CATSPERD: variants seen among roughly 807,000 people sequenced by gnomAD.
CATSPERD encodes the protein catsper channel auxiliary subunit delta.
CATSPERD carries 86 observed loss-of-function variants against 98.1 expected under a neutral mutation model. The observed-to-expected ratio is 0.88, with a 90% CI of 0.74 to 1.05. The LOEUF is 1.05. Ranked by LOEUF, CATSPERD falls within the 50% of genes least tolerant of loss-of-function variation. The pLI, the probability that CATSPERD is intolerant of heterozygous loss-of-function variation, is 0.00. For missense variants in CATSPERD, 995 were observed against 1,005.7 expected (o/e 0.99, Z 0.14); for synonymous variants, 394 against 390.2 (o/e 1.01, Z -0.12).
intron 17 of CATSPERD, among the ~76,000 whole-genome samples, chr19:5,767,943 C>G (rs115200198): frequency 0.035 from 5,355 of 152,108 alleles, 348 homozygotes; most frequent in African/African-American, 0.12. Flanking sequence ...ATTAGAGGCG[C>G]GTGATGCCAC....
chr19:5,728,055 A>AAAG (rs1289094540), intron 3 of CATSPERD, among the ~76,000 whole-genome samples: 2 of 142,618 alleles, frequency 1.4e-5, no homozygotes, highest in African/African-American at 5.2e-5. Context: ...AAAAAAAAAA[A>AAAG]TACAGAAAAT....
rs1172525979 is a variant in CATSPERD, at chr19:5,776,321, T to C, written c.2096+6T>C. 6.2e-7 allele frequency: 1 copy of C among 1,613,714 alleles called. No homozygotes were observed. Among genetic ancestry groups the C allele is most frequent in the South Asian group, 1.1e-5 (1 of 91,044 alleles). On this transcript the variant is annotated splice_donor_region_variant and intron_variant, in intron 21 of 21. Transcript: ENST00000381624. ...ATCGTGGATCCGTACTACAGGTGAG[T>C]GGGCCCATCTGCCCCTACGACAGGG...
chr19:5,741,786 G>A (rs796834988), intron 7 of CATSPERD, among the ~76,000 whole-genome samples: 11 of 46,540 alleles, frequency 2.4e-4, no homozygotes, highest in African/African-American at 7.5e-4. Context: ...TGCTGAAGGC[G>A]GGGGGGGGGG....
At chr19:5,732,665 G>A (rs555847028) in intron 4 of CATSPERD, among the ~76,000 whole-genome samples, 1 of 151,240 alleles carries the variant, frequency 6.6e-6, no homozygotes, top group Admixed American at 6.6e-5. Flanking sequence ...GGTGTTTTTT[G>A]TTTTGTTTTG....
chr19:5,724,303 T>G (rs1599501332), intron 1 of CATSPERD, among the ~76,000 whole-genome samples: 1 of 151,852 alleles, frequency 6.6e-6, no homozygotes, highest in Non-Finnish European at 1.5e-5. Flanking sequence ...CCTCAAGTGA[T>G]CCACCTGCCT....
chr19:5,775,388 A>G (rs976297507), intron 20 of CATSPERD: 5 of 428,152 alleles, frequency 1.2e-5, no homozygotes, highest in African/African-American at 1.0e-4. Context: ...CTGTAATCCC[A>G]GCACTTTGGG....
At chr19:5,768,856 G>T (rs184609435) in intron 18 of CATSPERD, among the ~76,000 whole-genome samples, 104 of 152,194 alleles carry the variant, frequency 6.8e-4, no homozygotes, top group Middle Eastern at 3.4e-3. Context: ...GACTACCTGA[G>T]GCTGGGTGAT....
Position 5,733,751 on chromosome 19 carries a change from C to A in CATSPERD, c.277-105C>A. Reference sequence around the variant, plus strand: ...GATTACAAGCGAGGGCCACCGCGCCCGTCCATACATTTTTTTTTTTTCAAT... The same window carrying A: ...GATTACAAGCGAGGGCCACCGCGCCAGTCCATACATTTTTTTTTTTTCAAT... On this transcript the variant is annotated intron_variant, in intron 4 of 21. Transcript: ENST00000381624. The A allele has an allele frequency of 5.1e-6, 4 of 783,786 alleles. 1 individual carries two copies. The South Asian group carries it at 6.3e-5, about 12-fold the overall frequency. The allele number at this position is 783,786 out of a possible 1,614,324, so 48.6% of individuals were successfully genotyped here.
Position 5,770,446 on chromosome 19 carries a change from A to G in CATSPERD, c.1635-498A>G, listed in dbSNP as rs2056624202. Among the ~76,000 whole-genome samples the G allele has an allele frequency of 2.0e-5, 3 of 150,742 alleles. No individual in the cohort carries two copies. The South Asian group carries it at 6.3e-4, about 32-fold the overall frequency. ...ACTCCGTCTCAAAAAAAAAAAAAAA[A>G]GGCAAAAACCTCGATTACTTTTGCA... On this transcript the variant is annotated intron_variant, in intron 18 of 21. Transcript: ENST00000381624.
chr19:5,775,822 C>A (rs1486444495), intron 20 of CATSPERD, among the ~76,000 whole-genome samples: 14 of 152,124 alleles, frequency 9.2e-5, no homozygotes, highest in Non-Finnish European at 2.1e-4. Flanking sequence ...AGCATTCCTT[C>A]TGGGCGGCAG....
Position 5,757,941 on chromosome 19 carries a change from C to T in CATSPERD, c.1368+9C>T, listed in dbSNP as rs375829827. 37 of 1,608,422 alleles carry T rather than the reference C, an allele frequency of 2.3e-5. No homozygotes were observed. The highest frequency in any genetic ancestry group is 6.8e-5 in the East Asian group (3 of 44,422). Reference sequence around the variant, plus strand: ...ACACCAAGTACAAACTGGTGAGCCGCGTCCCCACCAAACCCTGTCGCCTGT... The same window carrying T: ...ACACCAAGTACAAACTGGTGAGCCGTGTCCCCACCAAACCCTGTCGCCTGT... On this transcript the variant is annotated intron_variant, in intron 14 of 21. Transcript: ENST00000381624.
intron 2 of CATSPERD, among the ~76,000 whole-genome samples, chr19:5,726,354 G>C (rs535214122): frequency 6.6e-6 from 1 of 152,028 alleles, no homozygotes; most frequent in Non-Finnish European, 1.5e-5. Context: ...GTGAGCCACT[G>C]TGTTTGGCCT....
chr19:5,733,927 CTATATT>C lies in CATSPERD; in HGVS notation c.352_357del (p.Ile118_Tyr119del). 6.2e-7 allele frequency: 1 copy of C among 1,610,494 alleles called. No homozygotes were observed. The highest frequency in any genetic ancestry group is 8.5e-7 in the Non-Finnish European group (1 of 1,178,340). On this transcript the variant is annotated inframe_deletion, in exon 5 of 22. Coordinates refer to ENST00000381624, the MANE Select transcript of CATSPERD (RefSeq NM_152784.4). ...TGCTGTTAGTAGTGGATCAAAAAGT[CTATATT>C]TATGATTATGAAAATAATTCTTGGA...
rs576990033 is a variant in CATSPERD, at chr19:5,739,636, G to A, written c.573+197G>A. On this transcript the variant is annotated intron_variant, in intron 7 of 21. Transcript: ENST00000381624. Reference sequence around the variant, plus strand: ...AGCTTGAGCCCAGGAGTTTGAGACCGGCCTGGGTGACATGGCAAGACCCCA... The same window carrying A: ...AGCTTGAGCCCAGGAGTTTGAGACCAGCCTGGGTGACATGGCAAGACCCCA... Among the ~76,000 whole-genome samples the A allele has an allele frequency of 2.6e-5, 4 of 151,400 alleles. No individual in the cohort carries two copies. The South Asian group carries it at 6.3e-4, about 24-fold the overall frequency.
At chr19:5,737,022 A>C in intron 5 of CATSPERD, 116 bp from the exon 6 acceptor site, 1 of 576,136 alleles carries the variant, frequency 1.7e-6, no homozygotes, top group Non-Finnish European at 3.1e-6. Context: ...ACGCCACTGC[A>C]CTTCAGCCTG....
chr19:5,766,341 C>G (rs1307364398), intron 17 of CATSPERD, among the ~76,000 whole-genome samples, 186 bp downstream of exon 17: 1 of 149,694 alleles, frequency 6.7e-6, no homozygotes, highest in Non-Finnish European at 1.5e-5. Flanking sequence ...ATCTCGGCTA[C>G]TTGGGAGGCT....
intron 1 of CATSPERD, among the ~76,000 whole-genome samples, chr19:5,721,870 TC>T (rs935748704): frequency 5.9e-5 from 9 of 151,680 alleles, no homozygotes; most frequent in Non-Finnish European, 1.3e-4. Context: ...GTGCCTGTAA[TC>T]CCAGCTACTT....
intron 3 of CATSPERD, 37 bp downstream of exon 3, chr19:5,727,381 A>T (rs1195889758): frequency 7.2e-7 from 1 of 1,385,100 alleles, no homozygotes; most frequent in East Asian, 2.3e-5. Context: ...CCTTCCTTTT[A>T]AATTAAATCT....
intron 20 of CATSPERD, 128 bp from the exon 21 acceptor site, chr19:5,776,033 C>T (rs1163320559): frequency 3.1e-6 from 3 of 979,960 alleles, no homozygotes; most frequent in Non-Finnish European, 3.0e-6. Flanking sequence ...GGGCACTTGG[C>T]CCCAGAGTCC....
Sources: gnomAD v4.1 joint callset for allele counts (sites outside exome capture counted in the v4.1 genomes callset) on GRCh38, gnomAD v4.1.1 for gene constraint, MANE v1.5 for transcripts, NCBI Gene and HGNC (gene_info 2026-07-23, HGNC 2026-07-21) for gene names.